The following TSPAN4 variants were observed in gnomAD, a reference collection of about 807,000 sequenced individuals.
TSPAN4 encodes tetraspanin 4, also known as tetraspanin-4.
Under a neutral mutation model 31.5 loss-of-function variants are expected in TSPAN4, and 38 were observed. The observed-to-expected ratio is 1.21, with a 90% confidence interval of 0.93 to 1.58. TSPAN4 has a LOEUF of 1.58. Ranked by LOEUF, TSPAN4 falls within the 40% of genes most tolerant of loss-of-function variation. The pLI is 0.00. For synonymous variants in TSPAN4, 186 were observed against 144.6 expected, an observed-to-expected ratio of 1.29 and a Z score of -2.06; for missense variants, 330 against 317.3, an observed-to-expected ratio of 1.04 and a Z score of -0.30.
chr11:844,948 C>T (rs1307799498), intron 1 of TSPAN4, among the ~76,000 whole-genome samples: 1 of 152,158 alleles, frequency 6.6e-6, no homozygotes, highest in African/African-American at 2.4e-5. Flanking sequence ...GCCACGGGAC[C>T]AGGAGGGCTG....
At chr11:843,999 A>AT (rs1349913306) in intron 1 of TSPAN4, 2 of 152,176 alleles carry the variant, frequency 1.3e-5, no homozygotes, top group African/African-American at 4.8e-5. Context: ...CCCCAGTGGC[A>AT]TTTGCCATAC....
At chr11:862,774 G>A in intron 4 of TSPAN4, 33 bp downstream of exon 4, 7 of 1,579,256 alleles carry the variant, frequency 4.4e-6, no homozygotes, top group Non-Finnish European at 6.0e-6. Context: ...TGCTCCGGGT[G>A]GGACCACGCA....
chr11:858,735 A>C, intron 3 of TSPAN4: 1 of 138,900 alleles, frequency 7.2e-6, no homozygotes, highest in Non-Finnish European at 1.5e-5. Context: ...CCAGGCTCCC[A>C]TGCACCTGGC....
chr11:845,016 TGGGATCCCA>T (rs1847231798), intron 1 of TSPAN4, among the ~76,000 whole-genome samples: 1 of 152,180 alleles, frequency 6.6e-6, no homozygotes, highest in Admixed American at 6.5e-5. Context: ...CACTCTGGTC[TGGGATCCCA>T]GCCCACGTTT....
intron 8 of TSPAN4, 102 bp from the exon 9 acceptor site, chr11:866,460 T>C: frequency 9.3e-7 from 1 of 1,072,762 alleles, no homozygotes; most frequent in Non-Finnish European, 1.3e-6. Flanking sequence ...CACCCTGGGG[T>C]CGGGGTCAGG....
intron 3 of TSPAN4, among the ~76,000 whole-genome samples, chr11:852,684 C>T (rs1399726526): frequency 6.6e-6 from 1 of 152,262 alleles, no homozygotes; most frequent in Admixed American, 6.5e-5. Context: ...CTAGCGCTCC[C>T]CTTCCCCAGG....
intron 4 of TSPAN4, 171 bp downstream of exon 4, chr11:862,912 A>AGCCCCAGTGT: frequency 1.5e-6 from 1 of 670,890 alleles, no homozygotes; most frequent in Non-Finnish European, 2.5e-6. Flanking sequence ...TGGGTCTTCC[A>AGCCCCAGTGT]GGCCACACTG....
At chr11:853,706 C>T (rs1305310032) in intron 3 of TSPAN4, among the ~76,000 whole-genome samples, 1 of 152,158 alleles carries the variant, frequency 6.6e-6, no homozygotes, top group Non-Finnish European at 1.5e-5. Context: ...CAACTCCTAA[C>T]CCCATGGACA....
chr11:852,488 G>GC (rs909862402), intron 3 of TSPAN4, among the ~76,000 whole-genome samples: 71 of 151,886 alleles, frequency 4.7e-4, no homozygotes, highest in East Asian at 1.4e-3. Flanking sequence ...ACCAGCCTTG[G>GC]CCCCCCCCAA....
intron 1 of TSPAN4, among the ~76,000 whole-genome samples, chr11:846,937 G>T (rs746582678): frequency 2.6e-5 from 4 of 152,196 alleles, no homozygotes; most frequent in Non-Finnish European, 5.9e-5. Flanking sequence ...GTGAGTCTGT[G>T]TCCCTGCCTG....
Position 848,604 on chromosome 11 carries a change from C to A in TSPAN4, c.-18+1304C>A, listed in dbSNP as rs984584155. Among the ~76,000 whole-genome samples, 1 of 152,152 alleles carries A rather than the reference C, an allele frequency of 6.6e-6. No individual in the cohort carries two copies. Among genetic ancestry groups the A allele is most frequent in the Non-Finnish European group, 1.5e-5 (1 of 68,002 alleles). ...CCTGCCACCTCCCACATCAGTCACT[C>A]CAGGAGGACCCAGGCCTCCAGAGCT... On this transcript the variant is annotated intron_variant, in intron 2 of 8. Transcript: ENST00000397397. This position sits in a 1 kb window ranked among gnomAD's most constrained non-coding sequence, Gnocchi z 5.7.
chr11:856,576 A>G (rs1848056531), intron 3 of TSPAN4, among the ~76,000 whole-genome samples: 1 of 152,142 alleles, frequency 6.6e-6, no homozygotes, highest in Admixed American at 6.5e-5. Context: ...GCAGTGAGGG[A>G]GGGAGGCTTT....
chr11:854,215 G>A lies in TSPAN4; in HGVS notation c.63+3848G>A, dbSNP rs183670056. Among the ~76,000 whole-genome samples, 144 of 152,326 alleles carry A rather than the reference G, an allele frequency of 9.5e-4. 1 individual carries two copies. Among genetic ancestry groups the A allele is most frequent in the African/African-American group, 3.1e-3 (128 of 41,580 alleles). The stretch of plus-strand genomic sequence containing the variant: ...CTGGCCTCGGCTCCTTCCAGACGCT[G>A]CTCCCCAGGGTGGGTGCTGCTCCCC... On this transcript the variant is annotated intron_variant, in intron 3 of 8. Transcript: ENST00000397397.
At position 864,502 on chromosome 11, in the gene TSPAN4, C is replaced by T; in HGVS notation, c.321C>T (p.Tyr107=). 9.9e-6 allele frequency: 16 copies of T among 1,612,612 alleles called. No individual in the cohort carries two copies. Among genetic ancestry groups the T allele is most frequent in the Non-Finnish European group, 1.4e-5 (16 of 1,179,926 alleles). Residue 107 remains tyrosine (Y), a synonymous_variant, in exon 5 of 9, where the codon TAC becomes TAT. Transcript: ENST00000397397. ...EATIAILFFA[Y]TDKIDRYAQQ... Reference sequence around the variant, plus strand: ...CCATCGCCATCCTCTTCTTCGCCTACACGGACAAGGTACGGCTGCCTTGGC... The same window carrying T: ...CCATCGCCATCCTCTTCTTCGCCTATACGGACAAGGTACGGCTGCCTTGGC...
At chr11:844,215 TAGC>T (rs1013270081) in intron 1 of TSPAN4, 3 of 151,814 alleles carry the variant, frequency 2.0e-5, no homozygotes, top group Non-Finnish European at 2.9e-5. Flanking sequence ...TCCCGGATGT[TAGC>T]AGGGTGGGCC....
In TSPAN4 at chr11:866,843, C is replaced by T. The variant is rs113477501; in HGVS notation, c.*213C>T. The T allele has an allele frequency of 3.8e-5, 20 of 528,974 alleles. No individual in the cohort carries two copies. Among genetic ancestry groups the T allele is most frequent in the African/African-American group, 1.9e-4 (10 of 51,490 alleles). 32.8% of individuals were successfully genotyped at this position (528,974 alleles called of 1,614,324 possible). On this transcript the variant is annotated 3_prime_UTR_variant, in exon 9 of 9. Transcript: ENST00000397397. ...GGACCCCCCCTGGGAGGGGTGGCCACGTGCTGGCTGCGGAACCCAGGGCAG... is the reference window on the plus strand; with the variant it reads ...GGACCCCCCCTGGGAGGGGTGGCCATGTGCTGGCTGCGGAACCCAGGGCAG...
At position 848,394 on chromosome 11, in the gene TSPAN4, C is replaced by T. The variant is rs746694541; in HGVS notation, c.-18+1094C>T. ...GGCCAGCCTCCTGTTCTCTGGGGGC[C>T]CCCTGTCCCCTTCCCCCAGCGAGGA... On this transcript the variant is annotated intron_variant, in intron 2 of 8. Coordinates refer to ENST00000397397, the MANE Select transcript of TSPAN4 (RefSeq NM_003271.5). The surrounding 1 kb of genome is among the most constrained non-coding windows in gnomAD (Gnocchi z 5.7). 1.1e-4 allele frequency among the ~76,000 whole-genome samples: 17 copies of T among 152,310 alleles called. No homozygotes were observed. The highest frequency in any genetic ancestry group is 3.3e-4 in the Admixed American group (5 of 15,312).
intron 1 of TSPAN4, chr11:843,490 C>G (rs557871758): frequency 1.3e-5 from 2 of 152,378 alleles, no homozygotes; most frequent in African/African-American, 4.8e-5. Flanking sequence ...GACCCCGGCA[C>G]AGGGGATCCC....
rs1848507821 is a variant in TSPAN4 at position 862,426 on chromosome 11, G to T, written c.64-124G>T. On this transcript the variant is annotated intron_variant, in intron 3 of 8. Coordinates refer to ENST00000397397, the MANE Select transcript of TSPAN4 (RefSeq NM_003271.5). ...TGCCGTGGGATCTAGCAGGACTCTG[G>T]GTGGTTCTGGCTCAGGCTGGCAGGC... 15 of 860,688 alleles carry T rather than the reference G, an allele frequency of 1.7e-5. No individual in the cohort carries two copies. In the South Asian group the frequency reaches 2.7e-4, roughly 15 times the overall value. The allele number at this position is 860,688 out of a possible 1,614,324, so 53.3% of individuals were successfully genotyped here. A position where few individuals can be genotyped will look rare whatever the true frequency, so the allele number is the denominator to read the frequency against.
Sources: allele counts gnomAD v4.1 joint callset (sites outside exome capture counted in the v4.1 genomes callset), GRCh38; gene constraint gnomAD v4.1.1; non-coding constraint Gnocchi (gnomAD v3.1); transcripts MANE v1.5; gene names NCBI Gene and HGNC (gene_info 2026-07-23, HGNC 2026-07-21).